Variants in SNTB2 observed in about 807,000 individuals in gnomAD.
The protein encoded by SNTB2 is beta-2-syntrophin.
SNTB2 carries 34 observed loss-of-function variants against 46.2 expected under a neutral mutation model. The ratio of observed to expected loss-of-function variants is 0.74; its 90% confidence interval spans 0.56 to 0.98. SNTB2 has a LOEUF of 0.98. SNTB2 is among the 50% of genes least tolerant of loss of function. The probability of loss-of-function intolerance (pLI) is 0.00; values close to 1 mark genes in which losing one functional copy is unlikely to be tolerated. For missense variants in SNTB2, 603 were observed against 731.4 expected (o/e 0.82, Z 2.02); for synonymous variants, 290 against 312.6 (o/e 0.93, Z 0.76).
intron 1 of SNTB2, among the ~76,000 whole-genome samples, chr16:69,238,671 G>A (rs1167681637): frequency 2.0e-5 from 3 of 152,034 alleles, no homozygotes; most frequent in African/African-American, 4.8e-5. Context: ...CAAGGGGAAC[G>A]CTATCCTTCT....
At chr16:69,216,523 TA>T (rs113736779) in intron 1 of SNTB2, among the ~76,000 whole-genome samples, 765 of 139,628 alleles carry the variant, frequency 5.5e-3, no homozygotes, top group Middle Eastern at 0.011. Flanking sequence ...CCTCTACAAT[TA>T]AAAAAAAAAA....
intron 1 of SNTB2, among the ~76,000 whole-genome samples, chr16:69,242,878 G>A (rs1011187603): frequency 1.3e-4 from 20 of 152,060 alleles, no homozygotes; most frequent in African/African-American, 4.6e-4. Context: ...AAAATTAGCC[G>A]GGCGTGGTGG....
In SNTB2 at chr16:69,307,916, GT is replaced by G. The variant is rs1965327930; in HGVS notation, c.*6996del. On this transcript the variant is annotated 3_prime_UTR_variant, in exon 7 of 7. Coordinates refer to ENST00000336278, the MANE Select transcript of SNTB2 (RefSeq NM_006750.4). ...CTAAAGAAAATAAGGCTGACTGAAT[GT>G]TTTCCATAATTTTCACACAATAACA... The G allele has an allele frequency of 6.6e-6, 1 of 152,158 alleles. No individual in the cohort carries two copies. Among genetic ancestry groups the G allele is most frequent in the African/African-American group, 2.4e-5 (1 of 41,432 alleles). 9.4% of individuals were successfully genotyped at this position (152,158 alleles called of 1,614,324 possible).
chr16:69,236,474 G>C (rs1964561678), intron 1 of SNTB2, among the ~76,000 whole-genome samples: 1 of 152,132 alleles, frequency 6.6e-6, no homozygotes, highest in Non-Finnish European at 1.5e-5. Context: ...ACAGAAAGTA[G>C]AATGGTGGTT....
At chr16:69,225,974 G>T (rs562351351) in intron 1 of SNTB2, among the ~76,000 whole-genome samples, 2 of 152,138 alleles carry the variant, frequency 1.3e-5, no homozygotes, top group Admixed American at 6.6e-5. Flanking sequence ...CACCATGTTG[G>T]CTAGGCTGGT....
chr16:69,225,798 C>T (rs1409822878), intron 1 of SNTB2, among the ~76,000 whole-genome samples: 1 of 152,308 alleles, frequency 6.6e-6, no homozygotes, highest in South Asian at 2.1e-4. Flanking sequence ...GACGGAGTCT[C>T]ACTCTGTCAC....
In SNTB2 at chr16:69,304,774, T is replaced by G. The variant is rs1343906093; in HGVS notation, c.*3850T>G. 6.6e-6 allele frequency: 1 copy of G among 152,006 alleles called. No individual in the cohort carries two copies. Among genetic ancestry groups the G allele is most frequent in the African/African-American group, 2.4e-5 (1 of 41,384 alleles). The allele number at this position is 152,006 out of a possible 1,614,324, so 9.4% of individuals were successfully genotyped here. On this transcript the variant is annotated 3_prime_UTR_variant, in exon 7 of 7. Coordinates refer to ENST00000336278, the MANE Select transcript of SNTB2 (RefSeq NM_006750.4). Reference sequence around the variant, plus strand: ...AACCTTCTGGGCTCAAATGATCCTTTCACCTCAGCCTCCTGAGTAGCTGGG... The same window carrying G: ...AACCTTCTGGGCTCAAATGATCCTTGCACCTCAGCCTCCTGAGTAGCTGGG...
chr16:69,284,070 T>G lies in SNTB2; in HGVS notation c.1171T>G (p.Cys391Gly). Residue 391 changes from cysteine to glycine, a missense_variant, in exon 5 of 7, where the codon TGT becomes GGT. By Grantham distance (159) the Cys-to-Gly change is radical. Transcript: ENST00000336278. The part of the protein sequence containing the change: ...ATRLVHSGSG[C>G]RSPSLGSDLT... ...TAGGTTGGTTCATTCTGGCTCCGGA[T>G]GTCGATCCCCCTCCCTTGGATCTGA... 1 of 1,613,078 alleles carries G rather than the reference T, an allele frequency of 6.2e-7. No homozygotes were observed. The highest frequency in any genetic ancestry group is 1.7e-4 in the Middle Eastern group (1 of 6,060).
chr16:69,288,393 A>C lies in SNTB2; in HGVS notation c.1345+4149A>C, dbSNP rs143713047. 5.4e-3 allele frequency among the ~76,000 whole-genome samples: 817 copies of C among 152,302 alleles called. 3 individuals are homozygous for C. The highest frequency in any genetic ancestry group is 0.014 in the Middle Eastern group (4 of 294). ...TTGTATTTTTAAATAGACAAAAGAA[A>C]CATATTTTTCGGTAATTTTACACTT... On this transcript the variant is annotated intron_variant, in intron 5 of 6. Transcript: ENST00000336278.
At chr16:69,240,296 C>T (rs1437124321) in intron 1 of SNTB2, among the ~76,000 whole-genome samples, 2 of 152,196 alleles carry the variant, frequency 1.3e-5, no homozygotes, top group African/African-American at 4.8e-5. Context: ...AAGAGTCACT[C>T]TGAACTCATT....
At chr16:69,279,006 C>T (rs779332229) in intron 4 of SNTB2, among the ~76,000 whole-genome samples, 8 of 151,646 alleles carry the variant, frequency 5.3e-5, no homozygotes, top group Non-Finnish European at 1.0e-4. Context: ...ATGACAGAGC[C>T]TTAGCAGATA....
intron 5 of SNTB2, among the ~76,000 whole-genome samples, chr16:69,292,364 ATATATATATATATATTATATATATAT>A (rs1353743371): frequency 0.03 from 1,026 of 34,748 alleles, 108 homozygotes; most frequent in East Asian, 0.041. Context: ...TTATATATAT[ATATATATATATATATTATATATATAT>A]TATATATATA....
At chr16:69,255,389 G>A (rs866572776) in intron 2 of SNTB2, among the ~76,000 whole-genome samples, 4 of 152,000 alleles carry the variant, frequency 2.6e-5, no homozygotes, top group Non-Finnish European at 4.4e-5. Flanking sequence ...GTGAAACCCC[G>A]TATCTACTAA....
chr16:69,235,091 GCCTC>G (rs1404587844), intron 1 of SNTB2, among the ~76,000 whole-genome samples: 44 of 151,744 alleles, frequency 2.9e-4, no homozygotes, highest in Non-Finnish European at 3.7e-4. Context: ...GCTCACTGCA[GCCTC>G]TGTCGCCTGG....
At chr16:69,255,801 CAGGA>C (rs1964769105) in intron 2 of SNTB2, among the ~76,000 whole-genome samples, 1 of 150,374 alleles carries the variant, frequency 6.7e-6, no homozygotes, top group South Asian at 2.1e-4. Flanking sequence ...TCGCTTAAAC[CAGGA>C]GGTGGAGGTT....
In SNTB2 at chr16:69,281,494, T is replaced by G. The variant is rs575929402; in HGVS notation, c.1149-2554T>G. On this transcript the variant is annotated intron_variant, in intron 4 of 6. Transcript: ENST00000336278. Reference sequence around the variant, plus strand: ...AAGTATGTAAGGTCTGGTTTTTTTTTTTTTGTTTTTTTTTTTTTACATATG... The same window carrying G: ...AAGTATGTAAGGTCTGGTTTTTTTTGTTTTGTTTTTTTTTTTTTACATATG... Among the ~76,000 whole-genome samples the G allele has an allele frequency of 2.5e-3, 381 of 150,384 alleles. 1 individual carries two copies. Among genetic ancestry groups the G allele is most frequent in the Non-Finnish European group, 4.2e-3 (284 of 67,246 alleles).
At chr16:69,195,319 G>A (rs1964094491) in intron 1 of SNTB2, among the ~76,000 whole-genome samples, 1 of 151,932 alleles carries the variant, frequency 6.6e-6, no homozygotes. Flanking sequence ...TGCCCAGGTT[G>A]GAGTACAATG....
chr16:69,199,874 A>T (rs532105989), intron 1 of SNTB2, among the ~76,000 whole-genome samples: 36 of 152,246 alleles, frequency 2.4e-4, no homozygotes, highest in Admixed American at 5.2e-4. Flanking sequence ...GGGGACTTTT[A>T]AAAAATGTTT....
Position 69,258,504 on chromosome 16 carries a change from T to C in SNTB2, c.795-1546T>C, listed in dbSNP as rs374110067. Reference sequence around the variant, plus strand: ...AGTTATAGTGTTGATCTCTTAACTATTTTTCTACCTAATTCACTGGAGGAG... The same window carrying C: ...AGTTATAGTGTTGATCTCTTAACTACTTTTCTACCTAATTCACTGGAGGAG... On this transcript the variant is annotated intron_variant, in intron 2 of 6. Transcript: ENST00000336278. Among the ~76,000 whole-genome samples the C allele has an allele frequency of 4.0e-5, 6 of 151,592 alleles. No individual in the cohort carries two copies. The East Asian group carries it at 7.8e-4, about 20-fold the overall frequency.
Sources: gnomAD v4.1 joint callset for allele counts (sites outside exome capture counted in the v4.1 genomes callset) on GRCh38, gnomAD v4.1.1 for gene constraint, MANE v1.5 for transcripts, NCBI Gene and HGNC (gene_info 2026-07-23, HGNC 2026-07-21) for gene names.